The following KCNQ1 variants were observed in gnomAD, a reference collection of about 807,000 sequenced individuals.
KCNQ1 encodes potassium voltage-gated channel subfamily Q member 1, also known as potassium voltage-gated channel subfamily KQT member 1.
KCNQ1 carries 49 observed loss-of-function variants against 72.4 expected under a neutral mutation model. The ratio of observed to expected loss-of-function variants is 0.68; its 90% CI spans 0.54 to 0.86. The LOEUF is 0.86. Ranked by LOEUF, KCNQ1 falls within the 40% of genes least tolerant of loss-of-function variation. KCNQ1 has a pLI of 0.00. For missense variants in KCNQ1, 790 were observed against 945.1 expected (o/e 0.84, Z 2.15); for synonymous variants, 450 against 412.6 (o/e 1.09, Z -1.10).
Position 2,550,903 on chromosome 11 carries a change from AG to A in KCNQ1, c.478-19722del, listed in dbSNP as rs1847973857. On this transcript the variant is annotated intron_variant, in intron 2 of 15. Transcript: ENST00000155840. This position sits in a 1 kb window ranked among gnomAD's most constrained non-coding sequence, Gnocchi z 6.0. Reference sequence around the variant, plus strand: ...GTGAGGGGGGGGCACAGACTGAGACAGGGTCCCCGTGTTCCATCCATGGGGT... The same window carrying A: ...GTGAGGGGGGGGCACAGACTGAGACAGGTCCCCGTGTTCCATCCATGGGGT... Among the ~76,000 whole-genome samples the A allele has an allele frequency of 6.6e-6, 1 of 151,974 alleles. No individual in the cohort carries two copies. The highest frequency in any genetic ancestry group is 1.5e-5 in the Non-Finnish European group (1 of 67,976).
In KCNQ1 at chr11:2,709,843, A is replaced by G. The variant is rs547187839; in HGVS notation, c.1514+47762A>G. On this transcript the variant is annotated intron_variant, in intron 11 of 15. Transcript: ENST00000155840. ...TCATTCCTTTTTAGGGCCAAATAAT[A>G]TGCCATTTTATGGATATTATCACAT... Among the ~76,000 whole-genome samples, 13 of 152,332 alleles carry G rather than the reference A, an allele frequency of 8.5e-5. No individual in the cohort carries two copies. In the South Asian group the frequency reaches 2.7e-3, roughly 32 times the overall value.
intron 15 of KCNQ1, among the ~76,000 whole-genome samples, chr11:2,834,647 G>A (rs575527854): frequency 6.6e-6 from 1 of 152,344 alleles, no homozygotes; most frequent in African/African-American, 2.4e-5. Flanking sequence ...AGAAAGGACA[G>A]GGGAGGGGTG....
rs375178714 is a variant in KCNQ1 at position 2,755,251 on chromosome 11, T to TTTGTTG, written c.1515-13576_1515-13571dup. Among the ~76,000 whole-genome samples, 483 of 151,990 alleles carry TTTGTTG rather than the reference T, an allele frequency of 3.2e-3. 3 individuals are homozygous for TTTGTTG. The highest frequency in any genetic ancestry group is 0.011 in the African/African-American group (467 of 41,440). ...GCCTCCACTGTTTGTTGTTGTTGTT[T>TTTGTTG]TTGTTGTTGTTGTTGTTGTTGTATG... On this transcript the variant is annotated intron_variant, in intron 11 of 15. Coordinates refer to ENST00000155840, the MANE Select transcript of KCNQ1 (RefSeq NM_000218.3).
At chr11:2,812,257 C>T (rs961520509) in intron 15 of KCNQ1, among the ~76,000 whole-genome samples, 4 of 152,204 alleles carry the variant, frequency 2.6e-5, no homozygotes, top group Non-Finnish European at 5.9e-5. Context: ...GCCTGAGTCC[C>T]TCCTCAAAGT....
Position 2,623,561 on chromosome 11 carries a change from T to C in KCNQ1, c.1393+34707T>C, listed in dbSNP as rs923873686. The C allele has an allele frequency of 5.0e-6, 2 of 398,490 alleles. No homozygotes were observed. Among genetic ancestry groups the C allele is most frequent in the Admixed American group, 4.4e-5 (1 of 22,722 alleles). The allele number at this position is 398,490 out of a possible 1,614,324, so 24.7% of individuals were successfully genotyped here. A position where few individuals can be genotyped will look rare whatever the true frequency, so the allele number is the denominator to read the frequency against. On this transcript the variant is annotated intron_variant, in intron 10 of 15. Coordinates refer to ENST00000155840, the MANE Select transcript of KCNQ1 (RefSeq NM_000218.3). The surrounding 1 kb of genome is among the most constrained non-coding windows in gnomAD (Gnocchi z 5.2). ...GATTGCCTTATTTCACATAGTAATA[T>C]GTTTTTTAATTACCTCCATATCTTT...
rs1850518094 is a variant in KCNQ1, at chr11:2,687,882, C to T, written c.1514+25801C>T. 5.0e-6 allele frequency: 2 copies of T among 398,704 alleles called. No individual in the cohort carries two copies. The highest frequency in any genetic ancestry group is 3.6e-5 in the East Asian group (1 of 28,072). The allele number at this position is 398,704 out of a possible 1,614,324, so 24.7% of individuals were successfully genotyped here. A position where few individuals can be genotyped will look rare whatever the true frequency, so the allele number is the denominator to read the frequency against. On this transcript the variant is annotated intron_variant, in intron 11 of 15. Coordinates refer to ENST00000155840, the MANE Select transcript of KCNQ1 (RefSeq NM_000218.3). The surrounding 1 kb of genome is among the most constrained non-coding windows in gnomAD (Gnocchi z 5.0). The stretch of plus-strand genomic sequence containing the variant: ...CTCAAAGGCTGGACTTGGGGTGTCC[C>T]GCGGAAATCCTGGTGGGATGGAAAA...
Position 2,803,165 on chromosome 11 carries a change from C to A in KCNQ1, c.1794+25128C>A, listed in dbSNP as rs965141321. ...GAAAACCCAGCCGGGCCCCCCCCCC[C>A]ACGGGCACCCAGGAACCGCCCTGGC... On this transcript the variant is annotated intron_variant, in intron 15 of 15. Coordinates refer to ENST00000155840, the MANE Select transcript of KCNQ1 (RefSeq NM_000218.3). The surrounding 1 kb of genome is among the most constrained non-coding windows in gnomAD (Gnocchi z 6.4). Among the ~76,000 whole-genome samples the A allele has an allele frequency of 6.6e-5, 10 of 152,044 alleles. No individual in the cohort carries two copies. The highest frequency in any genetic ancestry group is 2.1e-4 in the South Asian group (1 of 4,830).
chr11:2,467,229 A>G (rs148336053), intron 1 of KCNQ1, among the ~76,000 whole-genome samples: 1 of 152,196 alleles, frequency 6.6e-6, no homozygotes, highest in Non-Finnish European at 1.5e-5. Flanking sequence ...TTATCTCCCC[A>G]TTGCACAGGG....
intron 15 of KCNQ1, chr11:2,840,148 T>G (rs1848176085): frequency 6.8e-6 from 1 of 147,756 alleles, no homozygotes; most frequent in African/African-American, 2.7e-5. Context: ...ACACATTTTG[T>G]ATGCTTCATG....
In KCNQ1 at chr11:2,492,324, C is replaced by T. The variant is rs897345553; in HGVS notation, c.387-35604C>T. ...TATAGAGACAAAAAAACTTAAAAAG[C>T]GGAGAGACAAAAGTTGAAGTGTAGA... On this transcript the variant is annotated intron_variant, in intron 1 of 15. Transcript: ENST00000155840. This position sits in a 1 kb window ranked among gnomAD's most constrained non-coding sequence, Gnocchi z 4.1. Among the ~76,000 whole-genome samples, 8 of 152,092 alleles carry T rather than the reference C, an allele frequency of 5.3e-5. No homozygotes were observed. Among genetic ancestry groups the T allele is most frequent in the Non-Finnish European group, 1.0e-4 (7 of 68,014 alleles).
At chr11:2,520,602 ACCTCT>A (rs1166559602) in intron 1 of KCNQ1, among the ~76,000 whole-genome samples, 11 of 152,076 alleles carry the variant, frequency 7.2e-5, no homozygotes, top group Admixed American at 3.9e-4. Flanking sequence ...AGGCTGTGAG[ACCTCT>A]GCCCCTGGGC....
intron 1 of KCNQ1, among the ~76,000 whole-genome samples, chr11:2,501,458 A>C (rs555282373): frequency 6.6e-6 from 1 of 152,272 alleles, no homozygotes; most frequent in South Asian, 2.1e-4. Context: ...GACATGTGCA[A>C]CCTACCAAGA....
Position 2,462,024 on chromosome 11 carries a change from T to C in KCNQ1, c.386+16540T>C, listed in dbSNP as rs1846286141. 2 of 338,762 alleles carry C rather than the reference T, an allele frequency of 5.9e-6. No homozygotes were observed. Among genetic ancestry groups the C allele is most frequent in the Non-Finnish European group, 1.2e-5 (2 of 169,106 alleles). 21.0% of individuals were successfully genotyped at this position (338,762 alleles called of 1,614,324 possible). On this transcript the variant is annotated intron_variant, in intron 1 of 15. Coordinates refer to ENST00000155840, the MANE Select transcript of KCNQ1 (RefSeq NM_000218.3). The surrounding 1 kb of genome is among the most constrained non-coding windows in gnomAD (Gnocchi z 8.2). ...CTAGTCCCAATACAGCTGGGATGCATTGCTGCTCCTTCCGCCATCCCAGCA... is the reference window on the plus strand; with the variant it reads ...CTAGTCCCAATACAGCTGGGATGCACTGCTGCTCCTTCCGCCATCCCAGCA...
In KCNQ1 at chr11:2,658,625, G is replaced by C. The variant is rs772219878; in HGVS notation, c.1394-3336G>C. ...ATAGAAAACCTGGATCTAGGCACGG[G>C]GTATGCTCGTGGCTACTAGGGTATC... is the stretch of plus-strand genomic sequence containing the variant. On this transcript the variant is annotated intron_variant, in intron 10 of 15. Coordinates refer to ENST00000155840, the MANE Select transcript of KCNQ1 (RefSeq NM_000218.3). This position sits in a 1 kb window ranked among gnomAD's most constrained non-coding sequence, Gnocchi z 4.9. The C allele has an allele frequency of 2.0e-5, 8 of 398,182 alleles. No homozygotes were observed. The highest frequency in any genetic ancestry group is 3.5e-5 in the Non-Finnish European group (8 of 226,016). The allele number at this position is 398,182 out of a possible 1,614,324, so 24.7% of individuals were successfully genotyped here.
At chr11:2,474,459 G>A (rs1037352594) in intron 1 of KCNQ1, among the ~76,000 whole-genome samples, 1 of 152,224 alleles carries the variant, frequency 6.6e-6, no homozygotes, top group African/African-American at 2.4e-5. Flanking sequence ...GCAGCCGCCA[G>A]ATGATGGGCC....
In KCNQ1 at chr11:2,492,992, A is replaced by G. The variant is rs939566381; in HGVS notation, c.387-34936A>G. ...CCACCAACAGTGTAAAAGCGTTCCT[A>G]TTTCTCCACATCCTCTCCAGCATCT... On this transcript the variant is annotated intron_variant, in intron 1 of 15. Coordinates refer to ENST00000155840, the MANE Select transcript of KCNQ1 (RefSeq NM_000218.3). The surrounding 1 kb of genome is among the most constrained non-coding windows in gnomAD (Gnocchi z 4.1). Among the ~76,000 whole-genome samples the G allele has an allele frequency of 6.6e-6, 1 of 152,110 alleles. No individual in the cohort carries two copies. Among genetic ancestry groups the G allele is most frequent in the African/African-American group, 2.4e-5 (1 of 41,420 alleles).
intron 1 of KCNQ1, among the ~76,000 whole-genome samples, chr11:2,499,790 C>T (rs143916629): frequency 2.0e-5 from 3 of 152,346 alleles, no homozygotes; most frequent in African/African-American, 7.2e-5. Context: ...AAACATCTAA[C>T]TTAATCTGCA....
At position 2,654,108 on chromosome 11, in the gene KCNQ1, A is replaced by G; in HGVS notation, c.1394-7853A>G. ...TCCCTTACTTCTCGCCTCTGAGTGG[A>G]GACACAGGTGGTGGCGGGGCCACTC... is the stretch of plus-strand genomic sequence containing the variant. On this transcript the variant is annotated intron_variant, in intron 10 of 15. Transcript: ENST00000155840. This position sits in a 1 kb window ranked among gnomAD's most constrained non-coding sequence, Gnocchi z 6.4. 1 of 398,694 alleles carries G rather than the reference A, an allele frequency of 2.5e-6. No homozygotes were observed. Among genetic ancestry groups the G allele is most frequent in the Non-Finnish European group, 4.4e-6 (1 of 226,142 alleles). 24.7% of individuals were successfully genotyped at this position (398,694 alleles called of 1,614,324 possible).
intron 15 of KCNQ1, among the ~76,000 whole-genome samples, chr11:2,812,006 T>C (rs888882733): frequency 6.6e-6 from 1 of 151,886 alleles, no homozygotes; most frequent in Non-Finnish European, 1.5e-5. Flanking sequence ...CTGTGCCGCC[T>C]CTCGTTCCTG....
Sources: allele counts gnomAD v4.1 joint callset (sites outside exome capture counted in the v4.1 genomes callset), GRCh38; gene constraint gnomAD v4.1.1; non-coding constraint Gnocchi (gnomAD v3.1); transcripts MANE v1.5; gene names NCBI Gene and HGNC (gene_info 2026-07-23, HGNC 2026-07-21).